The following CCSER1 variants were observed in gnomAD, a reference collection of about 807,000 sequenced individuals.
CCSER1 encodes coiled-coil serine rich protein 1, also known as serine-rich coiled-coil domain-containing protein 1.
Under a neutral mutation model 82.0 loss-of-function variants are expected in CCSER1, and 41 were observed. The ratio of observed to expected loss-of-function variants is 0.50; its 90% CI spans 0.39 to 0.65. The LOEUF (loss-of-function observed/expected upper bound fraction) is 0.65, where lower values mean the gene tolerates loss of function less well. Ranked by LOEUF, CCSER1 falls within the 30% of genes least tolerant of loss-of-function variation. The pLI, the probability that CCSER1 is intolerant of heterozygous loss-of-function variation, is 0.00. For missense variants in CCSER1, 1,119 were observed against 1,064.2 expected, an observed-to-expected ratio of 1.05 and a Z score of -0.72; for synonymous variants, 414 against 383.9, an observed-to-expected ratio of 1.08 and a Z score of -0.92.
At chr4:90,915,751 A>T (rs924520829) in intron 8 of CCSER1, among the ~76,000 whole-genome samples, 2 of 152,058 alleles carry the variant, frequency 1.3e-5, no homozygotes, top group Admixed American at 6.6e-5. Context: ...ACATGATTGT[A>T]TATCTAGAAA....
intron 5 of CCSER1, among the ~76,000 whole-genome samples, chr4:90,510,603 T>A (rs985254201): frequency 6.6e-6 from 1 of 152,240 alleles, no homozygotes; most frequent in Admixed American, 6.5e-5. Flanking sequence ...GTTATCTTTC[T>A]TTCATGCTTT....
intron 10 of CCSER1, among the ~76,000 whole-genome samples, chr4:91,468,058 T>C (rs1757032408): frequency 6.6e-6 from 1 of 152,158 alleles, no homozygotes; most frequent in Non-Finnish European, 1.5e-5. Flanking sequence ...CACACATATG[T>C]TTATTGCAGC....
chr4:90,427,320 C>G (rs1192546246), intron 4 of CCSER1, among the ~76,000 whole-genome samples: 1 of 151,704 alleles, frequency 6.6e-6, no homozygotes, highest in Non-Finnish European at 1.5e-5. Context: ...GTCTTACACT[C>G]TTTATATGAG....
At chr4:90,997,993 A>T (rs1034009427) in intron 9 of CCSER1, among the ~76,000 whole-genome samples, 1 of 152,188 alleles carries the variant, frequency 6.6e-6, no homozygotes, top group African/African-American at 2.4e-5. Flanking sequence ...TATGCTCACT[A>T]GAATTTCCCA....
At chr4:90,427,630 G>T (rs890400692) in intron 4 of CCSER1, among the ~76,000 whole-genome samples, 1 of 151,604 alleles carries the variant, frequency 6.6e-6, no homozygotes, top group Non-Finnish European at 1.5e-5. Context: ...GTGGAAAGAA[G>T]AGTACAGTTT....
At chr4:90,397,679 C>G (rs1427304250) in intron 3 of CCSER1, among the ~76,000 whole-genome samples, 1 of 152,076 alleles carries the variant, frequency 6.6e-6, no homozygotes, top group East Asian at 1.9e-4. Flanking sequence ...CTTTGGTCAC[C>G]AAGTTTGGTT....
chr4:90,810,832 CTTT>C (rs375997127), intron 7 of CCSER1, among the ~76,000 whole-genome samples: 1 of 113,594 alleles, frequency 8.8e-6, no homozygotes, highest in Non-Finnish European at 1.7e-5. Flanking sequence ...AAGAGTAATT[CTTT>C]TTTTTTTTTT....
chr4:91,491,272 G>A (rs1758527421), intron 10 of CCSER1, among the ~76,000 whole-genome samples: 1 of 151,808 alleles, frequency 6.6e-6, no homozygotes, highest in African/African-American at 2.4e-5. Flanking sequence ...AGCTCCATGT[G>A]CCCTCTCCAT....
intron 1 of CCSER1, among the ~76,000 whole-genome samples, chr4:90,264,405 G>A (rs1183570327): frequency 6.6e-6 from 1 of 152,114 alleles, no homozygotes; most frequent in Non-Finnish European, 1.5e-5. Context: ...AGTCAGTCTA[G>A]TACTAACTGG....
intron 5 of CCSER1, among the ~76,000 whole-genome samples, chr4:90,499,185 C>T (rs1241004678): frequency 2.0e-5 from 3 of 151,518 alleles, no homozygotes; most frequent in Admixed American, 6.6e-5. Flanking sequence ...GCTTTATTAC[C>T]ATATGGCTGA....
At chr4:91,489,892 A>G (rs190491018) in intron 10 of CCSER1, among the ~76,000 whole-genome samples, 27 of 152,284 alleles carry the variant, frequency 1.8e-4, no homozygotes, top group African/African-American at 5.8e-4. Flanking sequence ...AAACAACTCT[A>G]TAGCAAAAAA....
intron 10 of CCSER1, among the ~76,000 whole-genome samples, chr4:91,595,012 C>G (rs1463350009): frequency 6.6e-6 from 1 of 151,702 alleles, no homozygotes; most frequent in African/African-American, 2.4e-5. Context: ...CAACTGATAG[C>G]TCTCAAGTAA....
intron 1 of CCSER1, among the ~76,000 whole-genome samples, chr4:90,180,818 G>A (rs189203400): frequency 9.9e-5 from 15 of 152,176 alleles, no homozygotes; most frequent in Admixed American, 6.5e-4. Context: ...TCATGGCTTC[G>A]ACAACAAATA....
At chr4:91,550,343 T>G (rs1762101081) in intron 10 of CCSER1, among the ~76,000 whole-genome samples, 1 of 152,154 alleles carries the variant, frequency 6.6e-6, no homozygotes, top group African/African-American at 2.4e-5. Flanking sequence ...CTTTGGAGCT[T>G]TTAACTCAAG....
chr4:91,196,896 T>C (rs1273478366), intron 10 of CCSER1, among the ~76,000 whole-genome samples: 3 of 152,274 alleles, frequency 2.0e-5, no homozygotes, highest in Admixed American at 2.0e-4. Flanking sequence ...TCTTTAGATA[T>C]AGGCTTAAAG....
chr4:91,557,727 G>A (rs2110242713), intron 10 of CCSER1, among the ~76,000 whole-genome samples: 1 of 151,410 alleles, frequency 6.6e-6, no homozygotes, highest in South Asian at 2.1e-4. Flanking sequence ...CAGGAGCCCA[G>A]AGTGAAAGTA....
intron 10 of CCSER1, among the ~76,000 whole-genome samples, chr4:91,291,207 C>T (rs1395297024): frequency 6.6e-6 from 1 of 151,778 alleles, no homozygotes; most frequent in African/African-American, 2.4e-5. Context: ...TCACTGATAA[C>T]ATAAATTAAA....
Position 90,484,758 on chromosome 4 carries a change from C to T in CCSER1, c.1724+16404C>T, listed in dbSNP as rs149068406. On this transcript the variant is annotated intron_variant, in intron 5 of 10. Coordinates refer to ENST00000509176, the MANE Select transcript of CCSER1 (RefSeq NM_001145065.2). ...GTTTTGTCTCAGAGGAGTACCTGGC[C>T]GGCTGTGTGATATGTCAATCTGCCC... 4.7e-3 allele frequency among the ~76,000 whole-genome samples: 715 copies of T among 152,208 alleles called. 6 individuals carry two copies. Among genetic ancestry groups the T allele is most frequent in the African/African-American group, 0.016 (655 of 41,524 alleles).
chr4:91,409,959 C>T (rs1752930614), intron 10 of CCSER1, among the ~76,000 whole-genome samples: 1 of 152,166 alleles, frequency 6.6e-6, no homozygotes, highest in Non-Finnish European at 1.5e-5. Flanking sequence ...ACCACATATT[C>T]TCTAGATTCG....
Sources: allele counts gnomAD v4.1 joint callset (sites outside exome capture counted in the v4.1 genomes callset), GRCh38; gene constraint gnomAD v4.1.1; transcripts MANE v1.5; gene names NCBI Gene and HGNC (gene_info 2026-07-23, HGNC 2026-07-21).